The following COIL variants were observed in gnomAD, a reference collection of about 807,000 sequenced individuals.
COIL encodes coilin p80.
A neutral mutation model predicts 51.6 loss-of-function variants in COIL; 28 were observed. The ratio of observed to expected loss-of-function variants is 0.54; its 90% CI spans 0.40 to 0.74. COIL has a LOEUF of 0.74. COIL is among the 30% of genes least tolerant of loss of function. COIL has a pLI of 0.00. For missense variants in COIL, 667 were observed against 685.9 expected (o/e 0.97, Z 0.31); for synonymous variants, 233 against 255.8 (o/e 0.91, Z 0.85).
chr17:56,942,798 G>A (rs1175419906), intron 5 of COIL, among the ~76,000 whole-genome samples: 1 of 152,162 alleles, frequency 6.6e-6, no homozygotes, highest in Non-Finnish European at 1.5e-5. Flanking sequence ...TTACAGGCGT[G>A]AGCCACCACA....
At chr17:56,941,485 G>A (rs373809241) in intron 6 of COIL, among the ~76,000 whole-genome samples, 41 of 152,304 alleles carry the variant, frequency 2.7e-4, no homozygotes, top group African/African-American at 4.1e-4. Flanking sequence ...CATGAGAATC[G>A]CTCGAACCTG....
intron 5 of COIL, among the ~76,000 whole-genome samples, chr17:56,942,574 G>A (rs1325230138): frequency 6.6e-6 from 1 of 151,938 alleles, no homozygotes; most frequent in Non-Finnish European, 1.5e-5. Context: ...GTAGTGTAGT[G>A]GCGCAATCTC....
At position 56,960,859 on chromosome 17, in the gene COIL, C is replaced by G. The variant is rs756814738; in HGVS notation, c.161G>C (p.Gly54Ala). The change falls in exon 1 of 7, where the codon GGG becomes GCG. Residue 54 changes from glycine to alanine, a missense_variant. Transcript: ENST00000240316. ...CTCCAGGTAGAGGCCTAGGAAGGCCCCAGAACTGAAGCCGAAGCGCTGGCG... is the reference window on the plus strand; with the variant it reads ...CTCCAGGTAGAGGCCTAGGAAGGCCGCAGAACTGAAGCCGAAGCGCTGGCG... The part of the protein sequence containing the change: ...LIRQRFGFSS[G>A]AFLGLYLEGG... The G allele has an allele frequency of 6.2e-7, 1 of 1,613,562 alleles. No homozygotes were observed. The highest frequency in any genetic ancestry group is 1.1e-5 in the South Asian group (1 of 90,976).
At chr17:56,948,733 A>C (rs1344158663) in intron 4 of COIL, among the ~76,000 whole-genome samples, 1 of 150,784 alleles carries the variant, frequency 6.6e-6, no homozygotes, top group Non-Finnish European at 1.5e-5. Context: ...ACTCATACAG[A>C]TATTAAGTAA....
rs760804563 is a variant in COIL, at chr17:56,950,930, T to C, written c.312A>G (p.Leu104=). Residue 104 remains leucine (L), a synonymous_variant, in exon 2 of 7, where the codon TTA becomes TTG. Coordinates refer to ENST00000240316, the MANE Select transcript of COIL (RefSeq NM_004645.3). ...CCCGCTTCTTTGCTTTTCTAAGAGATAAATTAATGTCACCATTACTGATGA... is the reference window on the plus strand; with the variant it reads ...CCCGCTTCTTTGCTTTTCTAAGAGACAAATTAATGTCACCATTACTGATGA... ...SVVISNGDIN[L]SLRKAKKRAF... 4 of 1,613,312 alleles carry C rather than the reference T, an allele frequency of 2.5e-6. No individual in the cohort carries two copies. The South Asian group carries it at 4.4e-5, about 18-fold the overall frequency.
intron 1 of COIL, 76 bp downstream of exon 1, chr17:56,960,699 G>A: frequency 9.0e-7 from 1 of 1,106,078 alleles, no homozygotes; most frequent in Non-Finnish European, 1.2e-6. Flanking sequence ...AGGTCTAGCG[G>A]CTTCAGGCCC....
chr17:56,955,677 C>T lies in COIL; in HGVS notation c.246-4681G>A, dbSNP rs1910469920. 2.0e-5 allele frequency among the ~76,000 whole-genome samples: 3 copies of T among 152,152 alleles called. No homozygotes were observed. In the East Asian group the frequency reaches 5.8e-4, roughly 29 times the overall value. On this transcript the variant is annotated intron_variant, in intron 1 of 6. Transcript: ENST00000240316. Reference sequence around the variant, plus strand: ...TATTATGCAGAGAGAGCATGCCTGACTCAGAACAAGTGATATCCAAATGTT... The same window carrying T: ...TATTATGCAGAGAGAGCATGCCTGATTCAGAACAAGTGATATCCAAATGTT...
chr17:56,946,651 G>A, intron 4 of COIL, 140 bp from the exon 5 acceptor site: 2 of 568,850 alleles, frequency 3.5e-6, no homozygotes, highest in Non-Finnish European at 6.2e-6. Flanking sequence ...GAAAAATTTA[G>A]AAATAAATCC....
In COIL at chr17:56,950,862, T is replaced by G. The variant is rs757604799; in HGVS notation, c.380A>C (p.Lys127Thr). The change falls in exon 2 of 7, where the codon AAA (lysine) becomes ACA (threonine). Residue 127 changes from lysine (K) to threonine (T), a missense_variant. Physicochemically the swap from Lys to Thr is moderately conservative, Grantham distance 78. Coordinates refer to ENST00000240316, the MANE Select transcript of COIL (RefSeq NM_004645.3). Reference protein sequence around the residue: ...EEGEETEPDCKYSKKHWKSRE... With the variant: ...EEGEETEPDCTYSKKHWKSRE... ...ACTCTTCCAATGCTTCTTTGAATAT[T>G]TGCAATCTGGTTCAGTTTCTTCACC... The G allele has an allele frequency of 4.3e-6, 7 of 1,613,950 alleles. No homozygotes were observed. Among genetic ancestry groups the G allele is most frequent in the Middle Eastern group, 1.7e-4 (1 of 6,034 alleles).
At chr17:56,947,297 T>C (rs1417738941) in intron 4 of COIL, among the ~76,000 whole-genome samples, 1 of 152,130 alleles carries the variant, frequency 6.6e-6, no homozygotes, top group Non-Finnish European at 1.5e-5. Context: ...ACAAGGTTAA[T>C]GAATAAAGCA....
At chr17:56,953,396 G>A (rs1444103594) in intron 1 of COIL, among the ~76,000 whole-genome samples, 5 of 121,288 alleles carry the variant, frequency 4.1e-5, no homozygotes, top group African/African-American at 6.4e-5. Flanking sequence ...GGGCAACAGA[G>A]CAAGACTCCG....
rs934092357 is a variant in COIL at position 56,960,768 on chromosome 17, C to G, written c.245+7G>C. On this transcript the variant is annotated splice_region_variant and intron_variant, in intron 1 of 6. Coordinates refer to ENST00000240316, the MANE Select transcript of COIL (RefSeq NM_004645.3). ...CACCCGGCCGTCCCGCTCCCTGCGC[C>G]GCGCACCTGAGGCAGTCGTTGTCTC... The G allele has an allele frequency of 1.9e-6, 3 of 1,553,308 alleles. No individual in the cohort carries two copies. Among genetic ancestry groups the G allele is most frequent in the Non-Finnish European group, 2.6e-6 (3 of 1,151,190 alleles).
chr17:56,960,560 A>G (rs1910572365), intron 1 of COIL: 1 of 331,246 alleles, frequency 3.0e-6, no homozygotes. Context: ...TAATAATAAA[A>G]TGCAGATTCC....
intron 3 of COIL, 35 bp from the exon 4 acceptor site, chr17:56,949,469 C>A: frequency 1.3e-6 from 2 of 1,590,286 alleles, no homozygotes; most frequent in Non-Finnish European, 1.7e-6. Flanking sequence ...AATACATAAG[C>A]CCTCTTATCC....
chr17:56,940,818 TC>T (rs1269638850), intron 6 of COIL, among the ~76,000 whole-genome samples: 1 of 152,114 alleles, frequency 6.6e-6, no homozygotes, highest in East Asian at 1.9e-4. Context: ...TGCCAGCAAC[TC>T]TGGTAGGTCT....
At chr17:56,953,268 A>T (rs371277025) in intron 1 of COIL, among the ~76,000 whole-genome samples, 1 of 151,834 alleles carries the variant, frequency 6.6e-6, no homozygotes, top group African/African-American at 2.4e-5. Context: ...AAAATTAGCC[A>T]GGCGTGGTGG....
At chr17:56,940,206 T>A (rs1321747656) in intron 6 of COIL, 1 of 152,352 alleles carries the variant, frequency 6.6e-6, no homozygotes, top group Admixed American at 6.5e-5. Flanking sequence ...GCTCAAGCGA[T>A]CCTCCTGCCT....
intron 1 of COIL, among the ~76,000 whole-genome samples, chr17:56,956,768 AT>A (rs542680336): frequency 0.012 from 1,747 of 151,482 alleles, 12 homozygotes; most frequent in Middle Eastern, 0.034. Flanking sequence ...ATTTTGTTGT[AT>A]TTTTCTGTAG....
In COIL at chr17:56,958,945, C is replaced by G. The variant is rs529791622; in HGVS notation, c.245+1830G>C. Among the ~76,000 whole-genome samples, 8 of 152,282 alleles carry G rather than the reference C, an allele frequency of 5.3e-5. No homozygotes were observed. The South Asian group carries it at 1.7e-3, about 32-fold the overall frequency. ...ATGTTCTGAAGAAATCTTACGGAAT[C>G]TGACATGCTTGAGGGTAAGGAATAT... On this transcript the variant is annotated intron_variant, in intron 1 of 6. Coordinates refer to ENST00000240316, the MANE Select transcript of COIL (RefSeq NM_004645.3).
Sources: gnomAD v4.1 joint callset for allele counts (sites outside exome capture counted in the v4.1 genomes callset) on GRCh38, gnomAD v4.1.1 for gene constraint, MANE v1.5 for transcripts, NCBI Gene and HGNC (gene_info 2026-07-23, HGNC 2026-07-21) for gene names.